The following MED24 variants were observed in gnomAD, a reference collection of about 807,000 sequenced individuals.
The protein encoded by MED24 is mediator complex subunit 24.
In MED24, 74 loss-of-function variants were observed where a neutral mutation model predicts 118.8. That is an observed-to-expected ratio of 0.62 (90% CI 0.52 to 0.76). The LOEUF (loss-of-function observed/expected upper bound fraction) is 0.76, where lower values mean the gene tolerates loss of function less well. Among genes scored for constraint, MED24 ranks in the 30% least tolerant of loss-of-function variants. The pLI, the probability that MED24 is intolerant of heterozygous loss-of-function variation, is 0.00. For missense variants in MED24, 1,041 were observed against 1,278.9 expected, an observed-to-expected ratio of 0.81 and a Z score of 2.84; for synonymous variants, 521 against 523.9, an observed-to-expected ratio of 0.99 and a Z score of 0.08.
At chr17:40,035,078 G>A in intron 6 of MED24, 39 bp downstream of exon 6, 1 of 1,611,088 alleles carries the variant, frequency 6.2e-7, no homozygotes, top group Admixed American at 1.7e-5. Flanking sequence ...GGCTATGGGA[G>A]CAGCGGCAGG....
At chr17:40,047,354 A>G (rs111448282) in intron 3 of MED24, among the ~76,000 whole-genome samples, 1,689 of 152,178 alleles carry the variant, frequency 0.011, 35 homozygotes, top group African/African-American at 0.038. Context: ...ACATGGGTAC[A>G]TACAATTGCT....
chr17:40,024,731 CTTTT>C (rs1158182445), intron 19 of MED24, among the ~76,000 whole-genome samples: 1 of 152,052 alleles, frequency 6.6e-6, no homozygotes, highest in African/African-American at 2.4e-5. Flanking sequence ...ATAGAGGTTT[CTTTT>C]GTTTTTGTTT....
intron 13 of MED24, 69 bp downstream of exon 13, chr17:40,029,679 T>C: frequency 7.0e-7 from 1 of 1,437,284 alleles, no homozygotes; most frequent in Non-Finnish European, 9.8e-7. Flanking sequence ...TGTTTATTTA[T>C]CTGCAAGCAG....
intron 3 of MED24, among the ~76,000 whole-genome samples, chr17:40,047,903 T>C (rs982725539): frequency 1.3e-4 from 20 of 151,990 alleles, no homozygotes; most frequent in African/African-American, 4.8e-4. Context: ...CTAATTTTTG[T>C]ATATTTAGTA....
At chr17:40,039,224 G>A (rs780790945) in intron 3 of MED24, among the ~76,000 whole-genome samples, 12 of 152,142 alleles carry the variant, frequency 7.9e-5, no homozygotes, top group African/African-American at 1.2e-4. Flanking sequence ...AATAAAGCAC[G>A]GCTACTTCAG....
At position 40,029,748 on chromosome 17, in the gene MED24, C is replaced by T; in HGVS notation, c.1266G>A (p.Lys422=). 4.3e-6 allele frequency: 7 copies of T among 1,613,822 alleles called. No homozygotes were observed. The highest frequency in any genetic ancestry group is 5.9e-6 in the Non-Finnish European group (7 of 1,179,752). ...GGTGGCCAGGGAAGGGCACACTCAC[C>T]TTGAGGATGTTTGTGACAGTGGGCT... ...RAEPTVTNIL[K]TMDADHSKSP... is the part of the protein sequence containing the mutation. The change falls in exon 13 of 26, where the codon AAG becomes AAA. Residue 422 remains lysine, a splice_region_variant and synonymous_variant. Transcript: ENST00000394128.
rs770889970 is a variant in MED24 at position 40,033,788 on chromosome 17, G to A, written c.560-332C>T. On this transcript the variant is annotated intron_variant, in intron 6 of 25. Coordinates refer to ENST00000394128, the MANE Select transcript of MED24 (RefSeq NM_014815.4). This position sits in a 1 kb window ranked among gnomAD's most constrained non-coding sequence, Gnocchi z 5.2. ...ATCCAGTGGCTGGAACAGGGAGGGC[G>A]GCCACAAATCACTCGAGGAGTGAGC... 1.6e-5 allele frequency: 8 copies of A among 505,188 alleles called. No individual in the cohort carries two copies. Among genetic ancestry groups the A allele is most frequent in the Admixed American group, 4.6e-5 (2 of 43,840 alleles). 31.3% of individuals were successfully genotyped at this position (505,188 alleles called of 1,614,324 possible).
At chr17:40,024,426 C>T (rs182360312) in intron 19 of MED24, among the ~76,000 whole-genome samples, 138 of 152,238 alleles carry the variant, frequency 9.1e-4, no homozygotes, top group African/African-American at 3.0e-3. Flanking sequence ...CCCGGCTACT[C>T]GGGAGGCTGA....
In MED24 at chr17:40,032,740, A is replaced by T; in HGVS notation, c.845T>A (p.Val282Asp). The T allele has an allele frequency of 6.2e-7, 1 of 1,613,850 alleles. No homozygotes were observed. Among genetic ancestry groups the T allele is most frequent in the Non-Finnish European group, 8.5e-7 (1 of 1,179,974 alleles). The change falls in exon 9 of 26, where the codon GTC (valine) becomes GAC (aspartate). Residue 282 changes from valine (V) to aspartate (D), a missense_variant. Physicochemically the swap from Val to Asp is radical, Grantham distance 152 (BLOSUM62 -3). This residue lies in a region of MED24 where 434 missense variants were observed against 514.9 expected (regional missense o/e 0.84). Coordinates refer to ENST00000394128, the MANE Select transcript of MED24 (RefSeq NM_014815.4). ...GAAGCAAGCTTTCCAGATCTCCAGGACAAAAAGTGGGGTGGGGATATGCTG... is the reference window on the plus strand; with the variant it reads ...GAAGCAAGCTTTCCAGATCTCCAGGTCAAAAAGTGGGGTGGGGATATGCTG... ...RMQHIPTPLF[V>D]LEIWKACFVG...
intron 3 of MED24, among the ~76,000 whole-genome samples, chr17:40,045,214 C>T (rs757029141): frequency 2.6e-5 from 4 of 151,988 alleles, no homozygotes; most frequent in Non-Finnish European, 4.4e-5. Flanking sequence ...TTTGGGAGGC[C>T]GAGGCGGGCA....
intron 5 of MED24, 86 bp from the exon 6 acceptor site, chr17:40,035,435 T>TC: frequency 1.5e-6 from 2 of 1,360,596 alleles, no homozygotes; most frequent in Non-Finnish European, 2.0e-6. Context: ...TCCCTGGCAC[T>TC]CCCCTACTAG....
In MED24 at chr17:40,033,389, C is replaced by T. The variant is rs370373019; in HGVS notation, c.627G>A (p.Pro209=). The change falls in exon 7 of 26, where the codon CCG becomes CCA. Residue 209 remains proline (P), a synonymous_variant. Transcript: ENST00000394128. This position sits in a 1 kb window ranked among gnomAD's most constrained non-coding sequence, Gnocchi z 5.2. Reference sequence around the variant, plus strand: ...ACTGCTCGGCCTGACTCCGGAGCTGCGGGTTGCTGAGATTGGCCAGGATCT... The same window carrying T: ...ACTGCTCGGCCTGACTCCGGAGCTGTGGGTTGCTGAGATTGGCCAGGATCT... The part of the protein sequence containing the change: ...LGEILANLSN[P]QLRSQAEQCG... The T allele has an allele frequency of 3.9e-5, 63 of 1,611,850 alleles. No individual in the cohort carries two copies. The highest frequency in any genetic ancestry group is 5.3e-5 in the African/African-American group (4 of 74,882).
chr17:40,030,059 G>A (rs1983183284), intron 12 of MED24, among the ~76,000 whole-genome samples, 200 bp from the exon 13 acceptor site: 1 of 152,138 alleles, frequency 6.6e-6, no homozygotes, highest in Non-Finnish European at 1.5e-5. Context: ...TTTGAGACAG[G>A]TCTCACTCTG....
intron 3 of MED24, among the ~76,000 whole-genome samples, chr17:40,049,761 G>A (rs1028459398): frequency 4.0e-5 from 6 of 151,546 alleles, no homozygotes; most frequent in Non-Finnish European, 7.4e-5. Flanking sequence ...GCCTGACCTC[G>A]TGATCCGCCC....
chr17:40,022,408 GGT>G lies in MED24; in HGVS notation c.2507_2508del (p.His836ProfsTer5), dbSNP rs1982139076. The G allele has an allele frequency of 1.9e-6, 3 of 1,609,724 alleles. No individual in the cohort carries two copies. The highest frequency in any genetic ancestry group is 2.5e-6 in the Non-Finnish European group (3 of 1,178,288). On this transcript the variant is annotated frameshift_variant, in exon 22 of 26. Coordinates refer to ENST00000394128, the MANE Select transcript of MED24 (RefSeq NM_014815.4). LOFTEE classifies it high-confidence loss of function. Reference sequence around the variant, plus strand: ...GGGGGGCCTACCTCAATGTCTTCGCGGTGTCTCTTCTTCTGGCGGGTGGACGC... The same window carrying G: ...GGGGGGCCTACCTCAATGTCTTCGCGGTCTCTTCTTCTGGCGGGTGGACGC... ...GQASTRQKKR[H>X]REDIEDYISL...
At chr17:40,047,767 T>C (rs1247222680) in intron 3 of MED24, among the ~76,000 whole-genome samples, 1 of 151,892 alleles carries the variant, frequency 6.6e-6, no homozygotes, top group African/African-American at 2.4e-5. Context: ...GTTTTGCTCG[T>C]TGCCCAGGCT....
chr17:40,031,483 G>C (rs1983370169), intron 11 of MED24, 55 bp downstream of exon 11: 10 of 1,520,960 alleles, frequency 6.6e-6, no homozygotes, highest in Non-Finnish European at 9.1e-6. Flanking sequence ...CAGAGATCAG[G>C]GGAAGAGCCC....
At chr17:40,043,240 G>C (rs1984743240) in intron 3 of MED24, among the ~76,000 whole-genome samples, 1 of 152,108 alleles carries the variant, frequency 6.6e-6, no homozygotes, top group Non-Finnish European at 1.5e-5. Flanking sequence ...CCGGCCTGTT[G>C]TTAATAATGA....
chr17:40,043,100 G>A lies in MED24; in HGVS notation c.214-6946C>T, dbSNP rs187021376. Among the ~76,000 whole-genome samples, 766 of 152,246 alleles carry A rather than the reference G, an allele frequency of 5.0e-3. 5 individuals carry two copies. The highest frequency in any genetic ancestry group is 0.018 in the African/African-American group (730 of 41,536). ...CGAGTAGCTGGGATTACAGATGTGC[G>A]CCACCATCAGCTAATTTTTACATTT... On this transcript the variant is annotated intron_variant, in intron 3 of 25. Coordinates refer to ENST00000394128, the MANE Select transcript of MED24 (RefSeq NM_014815.4).
Sources: gnomAD v4.1 joint callset for allele counts (sites outside exome capture counted in the v4.1 genomes callset) on GRCh38, gnomAD v4.1.1 for gene constraint, gnomAD v4.1.1 regional missense constraint, Gnocchi (gnomAD v3.1) non-coding constraint, MANE v1.5 for transcripts, NCBI Gene and HGNC (gene_info 2026-07-23, HGNC 2026-07-21) for gene names.